Variants in GPR173 observed in about 807,000 individuals in gnomAD.
GPR173 encodes G protein-coupled receptor 173.
Under a neutral mutation model 13.9 loss-of-function variants are expected in GPR173, and 2 were observed. The observed-to-expected ratio is 0.14, with a 90% CI of 0.06 to 0.45. The LOEUF is 0.45. GPR173 is among the 20% of genes least tolerant of loss of function. GPR173 has a pLI of 0.98. For synonymous variants in GPR173, 131 were observed against 141.0 expected (o/e 0.93, Z 0.50); for missense variants, 202 against 340.5 (o/e 0.59, Z 3.20).
Position 53,079,620 on chromosome X carries a change from T to C in GPR173, c.*1877T>C, listed in dbSNP as rs2053769830. 8.2e-6 allele frequency: 1 copy of C among 121,540 alleles called. No individual in the cohort carries two copies. Among genetic ancestry groups the C allele is most frequent in the Non-Finnish European group, 1.9e-5 (1 of 52,998 alleles). 10.0% of individuals were successfully genotyped at this position (121,540 alleles called of 1,213,427 possible). A position where few individuals can be genotyped will look rare whatever the true frequency, so the allele number is the denominator to read the frequency against. ...GTGTGTGTGTGCGTGCGTGCGTGCA[T>C]GTGCCCTGTCTGACCACATGTGGAG... On this transcript the variant is annotated 3_prime_UTR_variant, in exon 2 of 2. Transcript: ENST00000332582.
At chrX:53,054,625 CTG>C (rs1257611237) in intron 1 of GPR173, among the ~76,000 whole-genome samples, 3 of 108,116 alleles carry the variant, frequency 2.8e-5, no homozygotes, top group Non-Finnish European at 5.8e-5. Flanking sequence ...GTAAAGTGGC[CTG>C]TGTGTGTGGA....
intron 1 of GPR173, among the ~76,000 whole-genome samples, chrX:53,054,223 A>G (rs1166846813): frequency 1.8e-5 from 2 of 109,960 alleles, no homozygotes; most frequent in Non-Finnish European, 3.8e-5. Context: ...TGTAAGAGAG[A>G]GCATGGGCCG....
At chrX:53,066,724 C>CATTATTATT (rs201315993) in intron 1 of GPR173, among the ~76,000 whole-genome samples, 2 of 107,498 alleles carry the variant, frequency 1.9e-5, no homozygotes, top group African/African-American at 6.9e-5. Flanking sequence ...TCTTTTACCT[C>CATTATTATT]ATTATTATTA....
intron 1 of GPR173, among the ~76,000 whole-genome samples, chrX:53,052,042 G>A (rs1241219640): frequency 2.7e-5 from 3 of 111,495 alleles, no homozygotes; most frequent in African/African-American, 9.8e-5. Flanking sequence ...ATAGATGTCC[G>A]TGTGTGCATG....
chrX:53,052,624 T>A (rs1356047501), intron 1 of GPR173, among the ~76,000 whole-genome samples: 1 of 108,868 alleles, frequency 9.2e-6, no homozygotes, highest in Non-Finnish European at 1.9e-5. Context: ...TGTGTGTGTG[T>A]GTGTGTGTGA....
At position 53,079,558 on chromosome X, in the gene GPR173, C is replaced by G. The variant is rs1556806323; in HGVS notation, c.*1815C>G. 1 of 119,080 alleles carries G rather than the reference C, an allele frequency of 8.4e-6. No homozygotes were observed. Among genetic ancestry groups the G allele is most frequent in the Non-Finnish European group, 1.9e-5 (1 of 52,582 alleles). The allele number at this position is 119,080 out of a possible 1,213,427, so 9.8% of individuals were successfully genotyped here. ...TTGTAAATGGAAAAACTGAAATGAA[C>G]AATGCTATACTGGATGTTTTCTCTT... On this transcript the variant is annotated 3_prime_UTR_variant, in exon 2 of 2. Transcript: ENST00000332582.
chrX:53,062,702 C>T (rs1932145808), intron 1 of GPR173, among the ~76,000 whole-genome samples: 1 of 105,752 alleles, frequency 9.5e-6, no homozygotes, highest in African/African-American at 3.5e-5. Context: ...GCGATCCTCT[C>T]ACCTCAGCTC....
At chrX:53,075,207 T>C (rs1216955901) in intron 1 of GPR173, among the ~76,000 whole-genome samples, 3 of 106,930 alleles carry the variant, frequency 2.8e-5, no homozygotes, top group African/African-American at 1.0e-4. Flanking sequence ...GCTCTGGCCG[T>C]TCCCCCTGCC....
chrX:53,050,519 A>G (rs1249767132), intron 1 of GPR173, among the ~76,000 whole-genome samples: 2 of 112,177 alleles, frequency 1.8e-5, no homozygotes, highest in African/African-American at 6.5e-5. Context: ...GAAGCATGCC[A>G]CTTACCGAAC....
At position 53,072,269 on chromosome X, in the gene GPR173, GTCTC is replaced by G. The variant is rs782305798; in HGVS notation, c.-97-4248_-97-4245del. On this transcript the variant is annotated intron_variant, in intron 1 of 1. Coordinates refer to ENST00000332582, the MANE Select transcript of GPR173 (RefSeq NM_018969.6). ...CCTCTCTATCTCCATCTTTATTTCTGTCTCTCTCTCTATCTCTCTCCAGCTACCC... is the reference window on the plus strand; with the variant it reads ...CCTCTCTATCTCCATCTTTATTTCTGTCTCTCTATCTCTCTCCAGCTACCC... Among the ~76,000 whole-genome samples the G allele has an allele frequency of 3.0e-3, 324 of 108,617 alleles. 1 individual carries two copies. Among genetic ancestry groups the G allele is most frequent in the Non-Finnish European group, 4.6e-3 (239 of 52,251 alleles). 94.3% of individuals were successfully genotyped at this position (108,617 alleles called of 115,157 possible).
At chrX:53,071,208 C>T (rs1556804752) in intron 1 of GPR173, 1 of 112,451 alleles carries the variant, frequency 8.9e-6, no homozygotes, top group East Asian at 2.8e-4. Context: ...CTCCGTGCCT[C>T]AGGTGATCCG....
intron 1 of GPR173, among the ~76,000 whole-genome samples, chrX:53,058,417 A>G (rs1556803386): frequency 1.1e-5 from 1 of 92,120 alleles, no homozygotes; most frequent in East Asian, 3.2e-4. Flanking sequence ...GCGATGATCC[A>G]GGTGCACGTG....
intron 1 of GPR173, among the ~76,000 whole-genome samples, chrX:53,068,425 C>A (rs1556804450): frequency 2.7e-5 from 3 of 110,097 alleles, no homozygotes; most frequent in Non-Finnish European, 5.7e-5. Flanking sequence ...GATAAGACAG[C>A]CCTCCTATTT....
intron 1 of GPR173, among the ~76,000 whole-genome samples, chrX:53,067,293 T>C: frequency 9.0e-6 from 1 of 111,571 alleles, no homozygotes; most frequent in Non-Finnish European, 1.9e-5. Context: ...ACAATTTCCC[T>C]GCACACCGCT....
intron 1 of GPR173, among the ~76,000 whole-genome samples, chrX:53,059,909 A>G (rs1450007336): frequency 1.9e-5 from 2 of 106,268 alleles, no homozygotes; most frequent in Non-Finnish European, 3.9e-5. Context: ...GGATCCCTTG[A>G]GCCCGGAGTT....
chrX:53,071,284 T>G (rs1556804757), intron 1 of GPR173, among the ~76,000 whole-genome samples: 1 of 112,169 alleles, frequency 8.9e-6, no homozygotes, highest in East Asian at 2.8e-4. Flanking sequence ...CCCCAATGTC[T>G]TATACTGGGT....
chrX:53,059,993 A>G (rs1042507342), intron 1 of GPR173, among the ~76,000 whole-genome samples: 65 of 104,199 alleles, frequency 6.2e-4, no homozygotes, highest in Admixed American at 3.6e-3. Flanking sequence ...GTCTCAAAAA[A>G]AAAACAAAAC....
chrX:53,078,000 C>CTCTCTCTCTCTCTCTCTG lies in GPR173; in HGVS notation c.*275_*292dup. 5.5e-6 allele frequency: 1 copy of CTCTCTCTCTCTCTCTCTG among 181,549 alleles called. No homozygotes were observed. The highest frequency in any genetic ancestry group is 1.0e-5 in the Non-Finnish European group (1 of 100,382). The allele number at this position is 181,549 out of a possible 1,213,427, so 15.0% of individuals were successfully genotyped here. A position where few individuals can be genotyped will look rare whatever the true frequency, so the allele number is the denominator to read the frequency against. ...CCTTCTCCACTTCTACAATCTCATT[C>CTCTCTCTCTCTCTCTCTG]TCTCTCTCTCTCTCTCTGTCTCTCT... On this transcript the variant is annotated 3_prime_UTR_variant, in exon 2 of 2. Coordinates refer to ENST00000332582, the MANE Select transcript of GPR173 (RefSeq NM_018969.6).
chrX:53,076,829 A>G lies in GPR173; in HGVS notation c.208A>G (p.Ile70Val). ...FLLDLCLADGIRSAVCFPFVL... is the reference protein window; with the variant it reads ...FLLDLCLADGVRSAVCFPFVL... ...GCTGGACCTGTGCCTGGCCGATGGC[A>G]TACGCTCTGCCGTCTGCTTCCCCTT... is the stretch of plus-strand genomic sequence containing the variant. The change falls in exon 2 of 2, where the codon ATA becomes GTA. Residue 70 changes from isoleucine (I) to valine (V), a missense_variant. Physicochemically the swap from Ile to Val is conservative, Grantham distance 29 (BLOSUM62 3). This residue lies in a region of GPR173 where 98 missense variants were observed against 137.2 expected (regional missense o/e 0.71). Coordinates refer to ENST00000332582, the MANE Select transcript of GPR173 (RefSeq NM_018969.6). 1 of 1,210,245 alleles carries G rather than the reference A, an allele frequency of 8.3e-7. No homozygotes were observed. The highest frequency in any genetic ancestry group is 3.0e-5 in the East Asian group (1 of 33,846).
Sources: gnomAD v4.1 joint callset for allele counts (sites outside exome capture counted in the v4.1 genomes callset) on GRCh38, gnomAD v4.1.1 for gene constraint, gnomAD v4.1.1 regional missense constraint, MANE v1.5 for transcripts, NCBI Gene and HGNC (gene_info 2026-07-23, HGNC 2026-07-21) for gene names.